Variants in PLCB4 observed in about 807,000 individuals in gnomAD.
PLCB4 encodes the protein 1-phosphatidylinositol 4,5-bisphosphate phosphodiesterase beta-4.
In PLCB4, 77 loss-of-function variants were observed where a neutral mutation model predicts 178.8. The ratio of observed to expected loss-of-function variants is 0.43; its 90% CI spans 0.36 to 0.52. The LOEUF is 0.52. Ranked by LOEUF, PLCB4 falls within the 20% of genes least tolerant of loss-of-function variation. The probability of loss-of-function intolerance (pLI) is 0.00; values close to 1 mark genes in which losing one functional copy is unlikely to be tolerated. For missense variants in PLCB4, 1,024 were observed against 1,453.4 expected (o/e 0.70, Z 4.80); for synonymous variants, 496 against 490.8 (o/e 1.01, Z -0.14).
At chr20:9,231,749 A>T (rs1300743473) in intron 3 of PLCB4, among the ~76,000 whole-genome samples, 1 of 152,188 alleles carries the variant, frequency 6.6e-6, no homozygotes, top group African/African-American at 2.4e-5. Context: ...GCAGATTCTT[A>T]TATAGTTAAA....
intron 32 of PLCB4, among the ~76,000 whole-genome samples, chr20:9,448,314 G>A (rs544168309): frequency 3.4e-4 from 52 of 152,180 alleles, no homozygotes; most frequent in African/African-American, 9.6e-4. Context: ...ACCCAACATG[G>A]AGCTAAGGCT....
At chr20:9,184,456 A>G (rs1349603008) in intron 2 of PLCB4, among the ~76,000 whole-genome samples, 1 of 152,138 alleles carries the variant, frequency 6.6e-6, no homozygotes, top group Non-Finnish European at 1.5e-5. Context: ...CAGGTGCTCT[A>G]TTTGAGAAGC....
chr20:9,099,638 G>C (rs147572590), intron 2 of PLCB4, among the ~76,000 whole-genome samples: 3 of 151,894 alleles, frequency 2.0e-5, no homozygotes, highest in Non-Finnish European at 4.4e-5. Context: ...ACTGCTCCAT[G>C]CCACAAGTAG....
chr20:9,343,325 CATGTTCCATGTGGAGGA>C (rs1026993842), intron 7 of PLCB4, among the ~76,000 whole-genome samples: 1 of 152,090 alleles, frequency 6.6e-6, no homozygotes, highest in Non-Finnish European at 1.5e-5. Flanking sequence ...TACCAAGGAC[CATGTTCCATGTGGAGGA>C]AGCTTTCCTG....
intron 2 of PLCB4, among the ~76,000 whole-genome samples, chr20:9,204,158 C>CA (rs2093587182): frequency 1.3e-5 from 2 of 151,924 alleles, no homozygotes; most frequent in South Asian, 4.2e-4. Context: ...TAAAAAGATT[C>CA]AAAATAGTTA....
intron 4 of PLCB4, among the ~76,000 whole-genome samples, chr20:9,332,841 C>T (rs1328323789): frequency 6.6e-6 from 1 of 152,120 alleles, no homozygotes; most frequent in Non-Finnish European, 1.5e-5. Context: ...TCTCTTTGCC[C>T]AGATTTCTCA....
chr20:9,291,505 A>G (rs1313322958), intron 3 of PLCB4, among the ~76,000 whole-genome samples: 1 of 152,154 alleles, frequency 6.6e-6, no homozygotes, highest in Non-Finnish European at 1.5e-5. Flanking sequence ...GACTGGATGT[A>G]TTTTTGTGCA....
At chr20:9,200,140 A>C (rs984140589) in intron 2 of PLCB4, among the ~76,000 whole-genome samples, 1 of 150,466 alleles carries the variant, frequency 6.6e-6, no homozygotes, top group Non-Finnish European at 1.5e-5. Flanking sequence ...ACTCTCAAAA[A>C]TGGATACCAG....
At chr20:9,312,157 G>T (rs558536516) in intron 4 of PLCB4, among the ~76,000 whole-genome samples, 1 of 152,116 alleles carries the variant, frequency 6.6e-6, no homozygotes, top group African/African-American at 2.4e-5. Flanking sequence ...CAGAGCAGGG[G>T]TTCAAATGTT....
intron 32 of PLCB4, among the ~76,000 whole-genome samples, chr20:9,445,968 A>G (rs992871340): frequency 6.6e-6 from 1 of 152,226 alleles, no homozygotes; most frequent in Non-Finnish European, 1.5e-5. Context: ...GGCTAGTTGG[A>G]AACATAAAGA....
intron 3 of PLCB4, among the ~76,000 whole-genome samples, chr20:9,238,587 A>G (rs1173961497): frequency 6.6e-6 from 1 of 152,168 alleles, no homozygotes; most frequent in African/African-American, 2.4e-5. Context: ...ACTGATTTTG[A>G]TACTGCAATA....
chr20:9,436,758 C>T (rs1373810170), intron 29 of PLCB4, among the ~76,000 whole-genome samples: 3 of 152,202 alleles, frequency 2.0e-5, no homozygotes, highest in Non-Finnish European at 4.4e-5. Flanking sequence ...TAAATGTTCT[C>T]TTTACCAGAC....
At chr20:9,104,220 C>T (rs1479460541) in intron 2 of PLCB4, among the ~76,000 whole-genome samples, 1 of 152,196 alleles carries the variant, frequency 6.6e-6, no homozygotes, top group Non-Finnish European at 1.5e-5. Context: ...GGATTTCCGT[C>T]ATCACCATGT....
intron 2 of PLCB4, among the ~76,000 whole-genome samples, chr20:9,202,578 T>C (rs113480438): frequency 1.1e-3 from 171 of 152,208 alleles, no homozygotes; most frequent in African/African-American, 3.8e-3. Context: ...TTGGCTCTGA[T>C]GTCAGAGGTA....
chr20:9,286,239 T>C (rs564397828), intron 3 of PLCB4, among the ~76,000 whole-genome samples: 1 of 152,092 alleles, frequency 6.6e-6, no homozygotes, highest in East Asian at 1.9e-4. Context: ...TGCCTACAAT[T>C]AGGTAGTTTA....
At chr20:9,192,689 C>G (rs941985141) in intron 2 of PLCB4, among the ~76,000 whole-genome samples, 1 of 151,624 alleles carries the variant, frequency 6.6e-6, no homozygotes, top group Non-Finnish European at 1.5e-5. Context: ...GTGGTGCACA[C>G]CTTTAGTACC....
intron 36 of PLCB4, among the ~76,000 whole-genome samples, chr20:9,471,342 T>A (rs1370426041): frequency 2.0e-5 from 3 of 151,200 alleles, no homozygotes; most frequent in African/African-American, 4.9e-5. Flanking sequence ...TAGAGAACAT[T>A]CAGAAAAACA....
intron 3 of PLCB4, among the ~76,000 whole-genome samples, chr20:9,295,903 T>C (rs185149656): frequency 6.6e-6 from 1 of 152,190 alleles, no homozygotes; most frequent in East Asian, 1.9e-4. Context: ...CCATAAAAAC[T>C]GTAGAAGAAA....
intron 25 of PLCB4, among the ~76,000 whole-genome samples, chr20:9,412,787 T>C (rs1397766937): frequency 1.3e-5 from 2 of 152,224 alleles, no homozygotes; most frequent in East Asian, 3.9e-4. Flanking sequence ...TTCCATCTGC[T>C]GGCGCTCACC....
Sources: allele counts gnomAD v4.1 joint callset (sites outside exome capture counted in the v4.1 genomes callset), GRCh38; gene constraint gnomAD v4.1.1; transcripts MANE v1.5; gene names NCBI Gene and HGNC (gene_info 2026-07-23, HGNC 2026-07-21).